The following P4HA1 variants were observed in gnomAD, a reference collection of about 807,000 sequenced individuals.
P4HA1 encodes prolyl 4-hydroxylase subunit alpha 1, also known as prolyl 4-hydroxylase subunit alpha-1.
P4HA1 carries 24 observed loss-of-function variants against 72.8 expected under a neutral mutation model. The observed-to-expected ratio is 0.33, with a 90% confidence interval of 0.24 to 0.46. P4HA1 has a LOEUF of 0.46. Ranked by LOEUF, P4HA1 falls within the 20% of genes least tolerant of loss-of-function variation. The pLI is 1.00. For missense variants in P4HA1, 446 were observed against 640.6 expected (o/e 0.70, Z 3.28); for synonymous variants, 201 against 218.8 (o/e 0.92, Z 0.72).
chr10:73,084,336 A>G (rs1161537980), intron 1 of P4HA1, among the ~76,000 whole-genome samples: 4 of 152,252 alleles, frequency 2.6e-5, no homozygotes, highest in Admixed American at 6.5e-5. Context: ...TTTGTTGCCC[A>G]GTCTGGAGTG....
At chr10:73,031,593 A>G (rs926582498) in intron 9 of P4HA1, among the ~76,000 whole-genome samples, 36 of 151,956 alleles carry the variant, frequency 2.4e-4, no homozygotes, top group Admixed American at 4.6e-4. Context: ...GAATAGACAA[A>G]TCAATAGATA....
chr10:73,080,358 T>C (rs1277179172), intron 1 of P4HA1, among the ~76,000 whole-genome samples: 1 of 152,218 alleles, frequency 6.6e-6, no homozygotes, highest in African/African-American at 2.4e-5. Context: ...TCGAGATAAT[T>C]TGCACAAGTT....
At chr10:73,060,183 A>T (rs1483205137) in intron 5 of P4HA1, among the ~76,000 whole-genome samples, 1 of 152,226 alleles carries the variant, frequency 6.6e-6, no homozygotes, top group African/African-American at 2.4e-5. Context: ...TGTTATTAAT[A>T]GTATGAATAA....
chr10:73,046,410 ATTCTTT>A lies in P4HA1; in HGVS notation c.1077+509_1077+514del, dbSNP rs772368296. Among the ~76,000 whole-genome samples the A allele has an allele frequency of 2.3e-3, 347 of 152,308 alleles. 1 individual carries two copies. The highest frequency in any genetic ancestry group is 3.3e-3 in the Non-Finnish European group (225 of 68,002). On this transcript the variant is annotated intron_variant, in intron 8 of 14. Coordinates refer to ENST00000394890, the MANE Select transcript of P4HA1 (RefSeq NM_001017962.3). ...AGCTTATAGATTGGGTTTACGTTAG[ATTCTTT>A]TTCTTTTTAAGATAAATTCTGTGGG... is the stretch of plus-strand genomic sequence containing the variant.
rs117541714 is a variant in P4HA1 at position 73,028,295 on chromosome 10, G to A, written c.1248+1976C>T. On this transcript the variant is annotated intron_variant, in intron 10 of 14. Coordinates refer to ENST00000394890, the MANE Select transcript of P4HA1 (RefSeq NM_001017962.3). ...AGACGGAGTAGGATGGCATCAAACC[G>A]TGTCACTGTAAAACACACACACACA... 3.4e-3 allele frequency among the ~76,000 whole-genome samples: 492 copies of A among 144,284 alleles called. 1 individual carries two copies. The highest frequency in any genetic ancestry group is 5.6e-3 in the Non-Finnish European group (377 of 67,024). 94.7% of individuals were successfully genotyped at this position (144,284 alleles called of 152,430 possible).
chr10:73,032,962 T>A (rs966597721), intron 9 of P4HA1, among the ~76,000 whole-genome samples: 3 of 152,222 alleles, frequency 2.0e-5, no homozygotes, highest in African/African-American at 7.2e-5. Context: ...TTTTTGGGAC[T>A]GGCTGAGTAT....
chr10:73,063,208 A>G lies in P4HA1; in HGVS notation c.463+5638T>C, dbSNP rs141126458. On this transcript the variant is annotated intron_variant, in intron 5 of 14. Coordinates refer to ENST00000394890, the MANE Select transcript of P4HA1 (RefSeq NM_001017962.3). ...TTTCTCACAGTTCTAGAGGCTGGGT[A>G]GTCCAAGATTCAAAGCACCAGCGGG... 2.5e-4 allele frequency among the ~76,000 whole-genome samples: 38 copies of G among 152,338 alleles called. No individual in the cohort carries two copies. In the East Asian group the frequency reaches 6.7e-3, roughly 27 times the overall value.
At chr10:73,092,421 C>T (rs1338450753) in intron 1 of P4HA1, among the ~76,000 whole-genome samples, 2 of 143,926 alleles carry the variant, frequency 1.4e-5, no homozygotes, top group Non-Finnish European at 3.0e-5. Flanking sequence ...GCTATCATAG[C>T]TCACTGCAGC....
intron 10 of P4HA1, among the ~76,000 whole-genome samples, chr10:73,022,279 G>A (rs567323314): frequency 9.2e-5 from 14 of 152,154 alleles, no homozygotes; most frequent in Non-Finnish European, 1.9e-4. Flanking sequence ...GCCCCTCTGG[G>A]ATGAAGCTTC....
intron 5 of P4HA1, among the ~76,000 whole-genome samples, chr10:73,056,370 G>A (rs980954868): frequency 2.0e-5 from 3 of 152,240 alleles, no homozygotes; most frequent in Non-Finnish European, 2.9e-5. Context: ...GGTGGCTCAC[G>A]CCTGCAATCC....
intron 12 of P4HA1, among the ~76,000 whole-genome samples, chr10:73,013,520 G>A (rs1338460585): frequency 6.6e-6 from 1 of 152,182 alleles, no homozygotes; most frequent in African/African-American, 2.4e-5. Context: ...TTTGGAGCAG[G>A]AACCATGAGT....
At chr10:73,075,383 A>T (rs139304069) in intron 1 of P4HA1, among the ~76,000 whole-genome samples, 1 of 152,200 alleles carries the variant, frequency 6.6e-6, no homozygotes, top group East Asian at 1.9e-4. Context: ...TGCTGGGATT[A>T]TAAGTGTGAG....
chr10:73,032,339 A>C (rs1840450835), intron 9 of P4HA1, among the ~76,000 whole-genome samples: 1 of 152,130 alleles, frequency 6.6e-6, no homozygotes, highest in Non-Finnish European at 1.5e-5. Flanking sequence ...ACTCCCTCAA[A>C]ATTGCTCTTG....
At chr10:73,041,467 G>A (rs1036828739) in intron 9 of P4HA1, among the ~76,000 whole-genome samples, 2 of 151,782 alleles carry the variant, frequency 1.3e-5, no homozygotes, top group Non-Finnish European at 2.9e-5. Flanking sequence ...CATGAACCCA[G>A]GAGGCGGAGC....
At chr10:73,089,265 A>C (rs1841980341) in intron 1 of P4HA1, among the ~76,000 whole-genome samples, 1 of 152,202 alleles carries the variant, frequency 6.6e-6, no homozygotes, top group Non-Finnish European at 1.5e-5. Context: ...AGTATATAGA[A>C]ATACAATTTA....
intron 1 of P4HA1, among the ~76,000 whole-genome samples, chr10:73,079,991 G>A (rs1589626179): frequency 6.6e-6 from 1 of 152,256 alleles, no homozygotes; most frequent in Non-Finnish European, 1.5e-5. Flanking sequence ...CAGAGGATGT[G>A]AACTTGGGGC....
intron 9 of P4HA1, among the ~76,000 whole-genome samples, chr10:73,042,583 T>C (rs1840762853): frequency 6.6e-6 from 1 of 152,226 alleles, no homozygotes; most frequent in African/African-American, 2.4e-5. Flanking sequence ...AATGATTTGA[T>C]ATCCACCATC....
Position 73,047,110 on chromosome 10 carries a change from A to G in P4HA1, c.901-9T>C, listed in dbSNP as rs372907974. On this transcript the variant is annotated splice_polypyrimidine_tract_variant and intron_variant, in intron 7 of 14. Coordinates refer to ENST00000394890, the MANE Select transcript of P4HA1 (RefSeq NM_001017962.3). ...TTCTGTCTCCGAGGGGTCTAAACAT[A>G]AAGTTAAGAATATGATGAATATATT... The G allele has an allele frequency of 1.3e-6, 2 of 1,583,822 alleles. No homozygotes were observed. The highest frequency in any genetic ancestry group is 2.7e-5 in the African/African-American group (2 of 74,164).
chr10:73,049,858 T>C (rs1840972117), intron 7 of P4HA1, among the ~76,000 whole-genome samples: 1 of 152,158 alleles, frequency 6.6e-6, no homozygotes, highest in Non-Finnish European at 1.5e-5. Context: ...GTAGTGTTAT[T>C]GTCTCTAATT....
Sources: allele counts gnomAD v4.1 joint callset (sites outside exome capture counted in the v4.1 genomes callset), GRCh38; gene constraint gnomAD v4.1.1; transcripts MANE v1.5; gene names NCBI Gene and HGNC (gene_info 2026-07-23, HGNC 2026-07-21).